The following CHRNA10 variants were observed in gnomAD, a reference collection of about 807,000 sequenced individuals.
The protein encoded by CHRNA10 is neuronal acetylcholine receptor subunit alpha-10.
CHRNA10 carries 31 observed loss-of-function variants against 36.0 expected under a neutral mutation model. The ratio of observed to expected loss-of-function variants is 0.86; its 90% CI spans 0.65 to 1.16. CHRNA10 has a LOEUF of 1.16. CHRNA10 is among the 50% of genes most tolerant of loss of function. The pLI is 0.00. For synonymous variants in CHRNA10, 302 were observed against 287.0 expected (o/e 1.05, Z -0.53); for missense variants, 648 against 640.9 (o/e 1.01, Z -0.12).
intron 1 of CHRNA10, among the ~76,000 whole-genome samples, chr11:3,670,213 C>T (rs1401254799): frequency 6.6e-6 from 1 of 152,200 alleles, no homozygotes; most frequent in Non-Finnish European, 1.5e-5. Context: ...AGTCTGCCTG[C>T]CTCTCCACAA....
At chr11:3,668,239 T>C (rs958406124) in intron 3 of CHRNA10, among the ~76,000 whole-genome samples, 4 of 152,096 alleles carry the variant, frequency 2.6e-5, no homozygotes, top group Admixed American at 6.5e-5. Flanking sequence ...TGTGGCTGGG[T>C]GCGGTGGCTC....
At chr11:3,667,124 C>A in intron 4 of CHRNA10, 108 bp downstream of exon 4, 2 of 1,421,468 alleles carry the variant, frequency 1.4e-6, no homozygotes, top group Non-Finnish European at 1.8e-6. Context: ...GGACGCCCCC[C>A]TCTCACTTTC....
rs969609816 is a variant in CHRNA10 at position 3,665,999 on chromosome 11, C to A, written c.*108G>T. The A allele has an allele frequency of 2.3e-6, 2 of 880,454 alleles. No individual in the cohort carries two copies. Among genetic ancestry groups the A allele is most frequent in the Admixed American group, 3.1e-5 (1 of 32,354 alleles). The allele number at this position is 880,454 out of a possible 1,614,324, so 54.5% of individuals were successfully genotyped here. ...GTCAAGTGTCTCAGGATCTTAGGAG[C>A]AGTGGGGAGAGACTGGCTGGCCCAA... On this transcript the variant is annotated 3_prime_UTR_variant, in exon 5 of 5. Transcript: ENST00000250699.
chr11:3,667,579 T>G lies in CHRNA10; in HGVS notation c.548A>C (p.Asp183Ala). 6.4e-7 allele frequency: 1 copy of G among 1,557,046 alleles called. No individual in the cohort carries two copies. The highest frequency in any genetic ancestry group is 8.6e-7 in the Non-Finnish European group (1 of 1,156,414). The change falls in exon 4 of 5, where the codon GAT becomes GCT. Residue 183 changes from aspartate (D) to alanine (A), a missense_variant. Transcript: ENST00000250699. ...GGCTGCAGCGCCGCGCGGCCGCACA[T>G]CCAGTTGGTGCCCGCCGTGAGTCCA... is the stretch of plus-strand genomic sequence containing the variant. ...GSWTHGGHQL[D>A]VRPRGAAASL...
Position 3,667,776 on chromosome 11 carries a change from C to A in CHRNA10, c.363-12G>T. The A allele has an allele frequency of 6.7e-7, 1 of 1,495,132 alleles. No individual in the cohort carries two copies. The highest frequency in any genetic ancestry group is 8.8e-7 in the Non-Finnish European group (1 of 1,129,952). 92.6% of individuals were successfully genotyped at this position (1,495,132 alleles called of 1,614,324 possible). A position where few individuals can be genotyped will look rare whatever the true frequency, so the allele number is the denominator to read the frequency against. The stretch of plus-strand genomic sequence containing the variant: ...GCTGCGCGTCGGCTCTGGGGGCAGG[C>A]GGGGCAGGGCTCACCTAGGCTGTCC... On this transcript the variant is annotated splice_polypyrimidine_tract_variant and intron_variant, in intron 3 of 4. Transcript: ENST00000250699.
rs577226577 is a variant in CHRNA10 at position 3,666,435 on chromosome 11, C to A, written c.1025G>T (p.Gly342Val). ...CACGCACAGGCCCCGTGCCAGGTGT[C>A]CCAGCAGGAGGGCCCTAGCCCAGGC... The part of the protein sequence containing the change: ...VPAWARALLL[G>V]HLARGLCVRE... The change falls in exon 5 of 5, where the codon GGA becomes GTA. Residue 342 changes from glycine (G) to valine (V), a missense_variant. Physicochemically the swap from Gly to Val is moderately radical, Grantham distance 109. Transcript: ENST00000250699. 154 of 1,613,928 alleles carry A rather than the reference C, an allele frequency of 9.5e-5. 1 individual carries two copies. The South Asian group carries it at 1.5e-3, about 15-fold the overall frequency.
chr11:3,669,774 CTG>C lies in CHRNA10; in HGVS notation c.207+20_207+21del, dbSNP rs2077698768. On this transcript the variant is annotated intron_variant, in intron 2 of 4. Coordinates refer to ENST00000250699, the MANE Select transcript of CHRNA10 (RefSeq NM_020402.4). ...CACTGTGACAGGTAAGACTCCACAG[CTG>C]TACCACCACCACAACGCACCATGTC... 6.2e-7 allele frequency: 1 copy of C among 1,613,996 alleles called. No individual in the cohort carries two copies. Among genetic ancestry groups the C allele is most frequent in the Admixed American group, 1.7e-5 (1 of 60,032 alleles).
chr11:3,666,289 G>A lies in CHRNA10; in HGVS notation c.1171C>T (p.Arg391Cys), dbSNP rs757070509. 1.5e-5 allele frequency: 25 copies of A among 1,613,594 alleles called. No homozygotes were observed. Among genetic ancestry groups the A allele is most frequent in the Non-Finnish European group, 1.9e-5 (22 of 1,179,876 alleles). ...GPCHEPRCLC[R>C]QEALLHHVAT... ...ACGTGGTGCAGTAGGGCTTCCTGGC[G>A]GCACAGACATCGTGGCTCGTGGCAA... The change falls in exon 5 of 5, where the codon CGC becomes TGC. Residue 391 changes from arginine (R) to cysteine (C), a missense_variant. Transcript: ENST00000250699.
At chr11:3,670,529 C>G (rs928517978) in intron 1 of CHRNA10, among the ~76,000 whole-genome samples, 6 of 152,136 alleles carry the variant, frequency 3.9e-5, no homozygotes, top group African/African-American at 1.4e-4. Context: ...CAATAGAGTA[C>G]AGTCCACTCC....
chr11:3,667,582 A>G lies in CHRNA10; in HGVS notation c.545T>C (p.Leu182Pro), dbSNP rs1032692473. ...TGCAGCGCCGCGCGGCCGCACATCC[A>G]GTTGGTGCCCGCCGTGAGTCCAGGA... The part of the protein sequence containing the change: ...FGSWTHGGHQ[L>P]DVRPRGAAAS... The change falls in exon 4 of 5, where the codon CTG becomes CCG. Residue 182 changes from leucine to proline, a missense_variant. By Grantham distance (98) the Leu-to-Pro change is moderately conservative. Coordinates refer to ENST00000250699, the MANE Select transcript of CHRNA10 (RefSeq NM_020402.4). The G allele has an allele frequency of 2.6e-6, 4 of 1,556,914 alleles. 1 individual carries two copies. The highest frequency in any genetic ancestry group is 2.3e-5 in the South Asian group (2 of 86,606).
chr11:3,666,284 C>A lies in CHRNA10; in HGVS notation c.1176G>T (p.Gln392His), dbSNP rs376322912. The change falls in exon 5 of 5, where the codon CAG becomes CAT. Residue 392 changes from glutamine to histidine, a missense_variant. Gln to His is a conservative substitution (Grantham distance 24). Coordinates refer to ENST00000250699, the MANE Select transcript of CHRNA10 (RefSeq NM_020402.4). ...PCHEPRCLCRQEALLHHVATI... is the reference protein window; with the variant it reads ...PCHEPRCLCRHEALLHHVATI... ...TGGCTACGTGGTGCAGTAGGGCTTC[C>A]TGGCGGCACAGACATCGTGGCTCGT... 6 of 1,613,662 alleles carry A rather than the reference C, an allele frequency of 3.7e-6. No individual in the cohort carries two copies. Among genetic ancestry groups the A allele is most frequent in the Non-Finnish European group, 5.1e-6 (6 of 1,179,872 alleles).
chr11:3,669,355 T>C lies in CHRNA10; in HGVS notation c.208-5A>G, dbSNP rs1184678359. 1.2e-6 allele frequency: 2 copies of C among 1,613,122 alleles called. No homozygotes were observed. Among genetic ancestry groups the C allele is most frequent in the East Asian group, 2.2e-5 (1 of 44,870 alleles). On this transcript the variant is annotated splice_region_variant and splice_polypyrimidine_tract_variant and intron_variant, in intron 2 of 4. Transcript: ENST00000250699. ...CAGCACCTGGTTCCGTTCATCCTAG[T>C]GGGGGCAGGGAATGGCAGAGATGTG...
chr11:3,670,946 T>C (rs890304636), intron 1 of CHRNA10: 2 of 456,288 alleles, frequency 4.4e-6, no homozygotes, highest in African/African-American at 4.0e-5. Context: ...CTGAAACCTT[T>C]CAGTGCTCCC....
Position 3,666,156 on chromosome 11 carries a change from A to G in CHRNA10, c.1304T>C (p.Phe435Ser), listed in dbSNP as rs758334816. 1.2e-6 allele frequency: 2 copies of G among 1,602,256 alleles called. No individual in the cohort carries two copies. The highest frequency in any genetic ancestry group is 1.3e-5 in the African/African-American group (1 of 74,652). Residue 435 changes from phenylalanine to serine, a missense_variant, in exon 5 of 5, where the codon TTC becomes TCC. Coordinates refer to ENST00000250699, the MANE Select transcript of CHRNA10 (RefSeq NM_020402.4). Reference protein sequence around the residue: ...VMDRFFLAIFFSMALVMSLLV... With the variant: ...VMDRFFLAIFSSMALVMSLLV... Reference sequence around the variant, plus strand: ...GAGGCTCATGACCAGGGCCATGGAGAAGAAGATGGCCAGGAAGAAGCGGTC... The same window carrying G: ...GAGGCTCATGACCAGGGCCATGGAGGAGAAGATGGCCAGGAAGAAGCGGTC...
At chr11:3,667,182 T>TG (rs773659023) in intron 4 of CHRNA10, 50 bp downstream of exon 4, 115 of 1,497,848 alleles carry the variant, frequency 7.7e-5, no homozygotes, top group African/African-American at 4.7e-4. Flanking sequence ...GGCCCCGCCC[T>TG]GGGGGGACCC....
rs2077655978 is a variant in CHRNA10 at position 3,665,952 on chromosome 11, G to C, written c.*155C>G. 2 of 611,760 alleles carry C rather than the reference G, an allele frequency of 3.3e-6. No individual in the cohort carries two copies. The highest frequency in any genetic ancestry group is 3.4e-5 in the Admixed American group (1 of 29,056). The allele number at this position is 611,760 out of a possible 1,614,324, so 37.9% of individuals were successfully genotyped here. On this transcript the variant is annotated 3_prime_UTR_variant, in exon 5 of 5. Transcript: ENST00000250699. The stretch of plus-strand genomic sequence containing the variant: ...TTTAGTTAGGGTGTGTAGACAATGA[G>C]TGCTCCCTTGTGGATTGTGAAGTCA...
At chr11:3,666,984 G>C (rs1420362271) in intron 4 of CHRNA10, among the ~76,000 whole-genome samples, 2 of 152,184 alleles carry the variant, frequency 1.3e-5, no homozygotes. Flanking sequence ...GCAAGCAGTC[G>C]ACAGATTTTG....
At chr11:3,668,909 T>C (rs549916760) in intron 3 of CHRNA10, 17 of 302,924 alleles carry the variant, frequency 5.6e-5, no homozygotes, top group East Asian at 3.2e-4. Flanking sequence ...CTGAGAGACT[T>C]AGAGCTAAAA....
rs113881064 is a variant in CHRNA10, at chr11:3,666,088, T to C, written c.*19A>G. Reference sequence around the variant, plus strand: ...AGGAGCTGTGGCTGCAGCAGATCCCTGTGACTTAGTCCCAGCCCTCACAGG... The same window carrying C: ...AGGAGCTGTGGCTGCAGCAGATCCCCGTGACTTAGTCCCAGCCCTCACAGG... On this transcript the variant is annotated 3_prime_UTR_variant, in exon 5 of 5. Coordinates refer to ENST00000250699, the MANE Select transcript of CHRNA10 (RefSeq NM_020402.4). 6.6e-7 allele frequency: 1 copy of C among 1,516,262 alleles called. No individual in the cohort carries two copies. The highest frequency in any genetic ancestry group is 8.8e-7 in the Non-Finnish European group (1 of 1,133,266). The allele number at this position is 1,516,262 out of a possible 1,614,324, so 93.9% of individuals were successfully genotyped here. A position where few individuals can be genotyped will look rare whatever the true frequency, so the allele number is the denominator to read the frequency against.
Sources: allele counts gnomAD v4.1 joint callset (sites outside exome capture counted in the v4.1 genomes callset), GRCh38; gene constraint gnomAD v4.1.1; transcripts MANE v1.5; gene names NCBI Gene and HGNC (gene_info 2026-07-23, HGNC 2026-07-21).